The following ATP5PD variants were observed in gnomAD, a reference collection of about 807,000 sequenced individuals.
ATP5PD encodes the protein ATP synthase peripheral stalk subunit d, mitochondrial.
A neutral mutation model predicts 22.6 loss-of-function variants in ATP5PD; 13 were observed. The observed-to-expected ratio is 0.58, with a 90% CI of 0.37 to 0.91. The LOEUF (loss-of-function observed/expected upper bound fraction) is 0.91, where lower values mean the gene tolerates loss of function less well. Ranked by LOEUF, ATP5PD falls within the 40% of genes least tolerant of loss-of-function variation. The pLI is 0.00. For missense variants in ATP5PD, 165 were observed against 188.0 expected (o/e 0.88, Z 0.72); for synonymous variants, 51 against 65.0 (o/e 0.79, Z 1.03).
At chr17:75,046,103 G>C (rs1453381307) in intron 1 of ATP5PD, among the ~76,000 whole-genome samples, 1 of 152,214 alleles carries the variant, frequency 6.6e-6, no homozygotes, top group Non-Finnish European at 1.5e-5. Flanking sequence ...GTGTGAGTGA[G>C]ACGGAGTCTC....
chr17:75,039,059 T>C lies in ATP5PD; in HGVS notation c.359A>G (p.Glu120Gly), dbSNP rs1400550664. 1.2e-6 allele frequency: 2 copies of C among 1,613,818 alleles called. No individual in the cohort carries two copies. Among genetic ancestry groups the C allele is most frequent in the African/African-American group, 2.7e-5 (2 of 74,922 alleles). The change falls in exon 6 of 6, where the codon GAG (glutamate) becomes GGG (glycine). Residue 120 changes from glutamate (E) to glycine (G), a missense_variant. Transcript: ENST00000301587. ...ARIVEYEKEM[E>G]KMKNLIPFDQ... ...AAATGGAATTAAGTTCTTCATCTTC[T>C]CCATCTGGAAAGAGGGGGAATGTGT...
chr17:75,046,500 G>A (rs1251099962), intron 1 of ATP5PD, among the ~76,000 whole-genome samples: 2 of 152,222 alleles, frequency 1.3e-5, no homozygotes, highest in African/African-American at 2.4e-5. Context: ...TGCACCCGAG[G>A]AGCCCTGAAC....
At chr17:75,040,321 C>A in intron 3 of ATP5PD, 158 bp from the exon 4 acceptor site, 1 of 778,946 alleles carries the variant, frequency 1.3e-6, no homozygotes, top group South Asian at 1.6e-5. Flanking sequence ...GAAACGAATA[C>A]GCATCTCAAT....
chr17:75,040,316 G>T (rs536818846), intron 3 of ATP5PD, 153 bp from the exon 4 acceptor site: 17 of 811,298 alleles, frequency 2.1e-5, no homozygotes, highest in Non-Finnish European at 2.9e-5. Context: ...AAGCGGAAAC[G>T]AATACGCATC....
At chr17:75,044,942 T>C (rs1375762546) in intron 1 of ATP5PD, among the ~76,000 whole-genome samples, 1 of 152,214 alleles carries the variant, frequency 6.6e-6, no homozygotes, top group African/African-American at 2.4e-5. Flanking sequence ...GCAATTGGCA[T>C]GTGATTTTAA....
chr17:75,039,266 T>A lies in ATP5PD; in HGVS notation c.297A>T (p.Lys99Asn). 2.5e-6 allele frequency: 4 copies of A among 1,614,108 alleles called. No individual in the cohort carries two copies. Among genetic ancestry groups the A allele is most frequent in the Non-Finnish European group, 2.5e-6 (3 of 1,179,996 alleles). ...AGAGAGACACCCACTCAGCACAAGATTTCACCTTTAAGAAGAAAGAGAAAT... is the reference window on the plus strand; with the variant it reads ...AGAGAGACACCCACTCAGCACAAGAATTCACCTTTAAGAAGAAAGAGAAAT... ...QVDAEEKEDV[K>N]SCAEWVSLSK... Residue 99 changes from lysine to asparagine, a missense_variant, in exon 5 of 6, where the codon AAA becomes AAT. By Grantham distance (94) the Lys-to-Asn change is moderately conservative. Coordinates refer to ENST00000301587, the MANE Select transcript of ATP5PD (RefSeq NM_006356.3).
In ATP5PD at chr17:75,039,208, C is replaced by T; in HGVS notation, c.354+1G>A. ...AGGCAACGGCTACCCATCATCCTTACCTCTTTCTCATATTCTACAATCCTG... is the reference window on the plus strand; with the variant it reads ...AGGCAACGGCTACCCATCATCCTTATCTCTTTCTCATATTCTACAATCCTG... On this transcript the variant is annotated splice_donor_variant, in intron 5 of 5. Coordinates refer to ENST00000301587, the MANE Select transcript of ATP5PD (RefSeq NM_006356.3). LOFTEE classifies it high-confidence loss of function. 6.2e-7 allele frequency: 1 copy of T among 1,614,004 alleles called. No individual in the cohort carries two copies. The highest frequency in any genetic ancestry group is 1.1e-5 in the South Asian group (1 of 91,084).
intron 1 of ATP5PD, among the ~76,000 whole-genome samples, chr17:75,043,279 C>T (rs2073179172): frequency 6.6e-6 from 1 of 151,950 alleles, no homozygotes; most frequent in Admixed American, 6.6e-5. Context: ...ATGTGGCATA[C>T]AAATACATTC....
intron 4 of ATP5PD, 71 bp from the exon 5 acceptor site, chr17:75,039,342 G>T: frequency 7.1e-7 from 1 of 1,400,136 alleles, no homozygotes; most frequent in Non-Finnish European, 1.0e-6. Flanking sequence ...TAAGGTAGGA[G>T]TCGTCCCAGC....
chr17:75,044,500 C>T (rs1300960560), intron 1 of ATP5PD, among the ~76,000 whole-genome samples: 1 of 130,150 alleles, frequency 7.7e-6, no homozygotes, highest in Non-Finnish European at 1.5e-5. Flanking sequence ...CCACCGCGCC[C>T]GGCCCTAATT....
At chr17:75,043,823 A>C (rs2073184969) in intron 1 of ATP5PD, among the ~76,000 whole-genome samples, 1 of 152,130 alleles carries the variant, frequency 6.6e-6, no homozygotes, top group African/African-American at 2.4e-5. Context: ...GCTAAAATTT[A>C]CTTATGTGTA....
chr17:75,042,713 T>G, intron 1 of ATP5PD, 54 bp from the exon 2 acceptor site: 1 of 1,523,348 alleles, frequency 6.6e-7, no homozygotes, highest in Middle Eastern at 1.8e-4. Context: ...AATTTTCAGT[T>G]GGGAAAAATG....
intron 1 of ATP5PD, among the ~76,000 whole-genome samples, chr17:75,043,597 G>C (rs1047332951): frequency 7.0e-6 from 1 of 143,400 alleles, no homozygotes; most frequent in Non-Finnish European, 1.5e-5. Context: ...TGGACACAGA[G>C]TGAGACTCTG....
chr17:75,040,532 G>C (rs1482449867), intron 3 of ATP5PD: 31 of 255,234 alleles, frequency 1.2e-4, no homozygotes, highest in Non-Finnish European at 1.9e-4. Flanking sequence ...CTTCTGCATG[G>C]AACCCTAGGG....
At chr17:75,043,331 G>A (rs542518448) in intron 1 of ATP5PD, among the ~76,000 whole-genome samples, 5 of 151,376 alleles carry the variant, frequency 3.3e-5, no homozygotes, top group Non-Finnish European at 5.9e-5. Flanking sequence ...AGCTCTCTTG[G>A]CCGGGCGCAG....
At chr17:75,041,215 C>T in intron 3 of ATP5PD, 1 of 151,854 alleles carries the variant, frequency 6.6e-6, no homozygotes, top group Non-Finnish European at 1.5e-5. Flanking sequence ...AAAAAATTAG[C>T]CAGGCATGGT....
At chr17:75,045,208 A>G (rs1040961834) in intron 1 of ATP5PD, among the ~76,000 whole-genome samples, 3 of 152,198 alleles carry the variant, frequency 2.0e-5, no homozygotes, top group Non-Finnish European at 2.9e-5. Context: ...GTATACGAAT[A>G]GGTGTGGGTG....
chr17:75,046,577 T>G (rs1364211555), intron 1 of ATP5PD, among the ~76,000 whole-genome samples: 2 of 152,182 alleles, frequency 1.3e-5, no homozygotes, highest in Non-Finnish European at 2.9e-5. Flanking sequence ...CAGCTGAGCG[T>G]CCCTCGGCAG....
chr17:75,042,739 A>G (rs2073173678), intron 1 of ATP5PD, 80 bp from the exon 2 acceptor site: 2 of 1,334,874 alleles, frequency 1.5e-6, no homozygotes, highest in African/African-American at 1.5e-5. Flanking sequence ...TAACAAAATA[A>G]GAGCTCTTAG....
Sources: gnomAD v4.1 joint callset for allele counts (sites outside exome capture counted in the v4.1 genomes callset) on GRCh38, gnomAD v4.1.1 for gene constraint, MANE v1.5 for transcripts, NCBI Gene and HGNC (gene_info 2026-07-23, HGNC 2026-07-21) for gene names.